The following GRM7 variants were observed in gnomAD, a reference collection of about 807,000 sequenced individuals.
The protein encoded by GRM7 is metabotropic glutamate receptor 7.
Under a neutral mutation model 84.5 loss-of-function variants are expected in GRM7, and 35 were observed. That is an observed-to-expected ratio of 0.41 (90% CI 0.32 to 0.55). The LOEUF (loss-of-function observed/expected upper bound fraction) is 0.55. Ranked by LOEUF, GRM7 falls within the 20% of genes least tolerant of loss-of-function variation. GRM7 has a pLI of 0.19. For synonymous variants in GRM7, 487 were observed against 455.1 expected (o/e 1.07, Z -0.89); for missense variants, 1,003 against 1,194.6 (o/e 0.84, Z 2.36).
At chr3:7,370,818 C>G (rs1694101069) in intron 4 of GRM7, among the ~76,000 whole-genome samples, 1 of 152,130 alleles carries the variant, frequency 6.6e-6, no homozygotes, top group African/African-American at 2.4e-5. Context: ...AATCAGAATT[C>G]ATGTTTCCTC....
At chr3:7,621,833 C>A (rs1697373016) in intron 8 of GRM7, among the ~76,000 whole-genome samples, 1 of 152,056 alleles carries the variant, frequency 6.6e-6, no homozygotes, top group African/African-American at 2.4e-5. Context: ...ATAACTGTGG[C>A]AGCCAGCTAT....
chr3:7,318,404 ATTAG>A (rs1343247079), intron 4 of GRM7, among the ~76,000 whole-genome samples: 3 of 152,084 alleles, frequency 2.0e-5, no homozygotes, highest in Non-Finnish European at 4.4e-5. Flanking sequence ...AGAAAGTATT[ATTAG>A]TTTGGATTGA....
At chr3:7,279,326 C>T (rs138288374) in intron 2 of GRM7, among the ~76,000 whole-genome samples, 364 of 152,114 alleles carry the variant, frequency 2.4e-3, no homozygotes, top group African/African-American at 8.3e-3. Flanking sequence ...CATCTCCTCT[C>T]GCTTCATCCA....
intron 7 of GRM7, among the ~76,000 whole-genome samples, chr3:7,557,169 G>T (rs940478879): frequency 6.6e-6 from 1 of 152,042 alleles, no homozygotes; most frequent in African/African-American, 2.4e-5. Context: ...CAAGACTCTG[G>T]GCCTGCCTTA....
At chr3:7,325,720 T>C (rs915070162) in intron 4 of GRM7, among the ~76,000 whole-genome samples, 1 of 152,214 alleles carries the variant, frequency 6.6e-6, no homozygotes, top group African/African-American at 2.4e-5. Context: ...CAGAACAGCA[T>C]GTCTATATGC....
At chr3:7,481,914 G>A (rs1020767354) in intron 7 of GRM7, among the ~76,000 whole-genome samples, 1 of 152,314 alleles carries the variant, frequency 6.6e-6, no homozygotes, top group Middle Eastern at 3.4e-3. Context: ...TCAGCCGGGT[G>A]CAGTGACTCA....
chr3:7,513,743 CATA>C (rs1243096194), intron 7 of GRM7, among the ~76,000 whole-genome samples: 3 of 152,060 alleles, frequency 2.0e-5, no homozygotes, highest in African/African-American at 7.2e-5. Context: ...CTGATATGCC[CATA>C]ATAATAAAAA....
chr3:7,212,443 C>T (rs1303114550), intron 2 of GRM7, among the ~76,000 whole-genome samples: 1 of 151,986 alleles, frequency 6.6e-6, no homozygotes, highest in Non-Finnish European at 1.5e-5. Context: ...AACAAAATAG[C>T]AAGAGTCCAG....
At chr3:6,931,010 T>G (rs1697480417) in intron 1 of GRM7, among the ~76,000 whole-genome samples, 1 of 152,224 alleles carries the variant, frequency 6.6e-6, no homozygotes, top group Non-Finnish European at 1.5e-5. Context: ...TCCACACTCA[T>G]AATCGCTTCT....
chr3:7,502,716 G>A (rs1173197776), intron 7 of GRM7, among the ~76,000 whole-genome samples: 1 of 152,114 alleles, frequency 6.6e-6, no homozygotes, highest in Non-Finnish European at 1.5e-5. Context: ...TTGTAATTTG[G>A]CAATTAACCA....
intron 4 of GRM7, among the ~76,000 whole-genome samples, chr3:7,325,689 C>T (rs1700955841): frequency 6.6e-6 from 1 of 152,162 alleles, no homozygotes; most frequent in Non-Finnish European, 1.5e-5. Context: ...CATAACCATT[C>T]TGGTCAAAGG....
intron 1 of GRM7, among the ~76,000 whole-genome samples, chr3:7,138,293 C>T (rs1287748987): frequency 6.6e-6 from 1 of 151,822 alleles, no homozygotes; most frequent in Non-Finnish European, 1.5e-5. Context: ...ACAATATGCC[C>T]AATCAACAAG....
At chr3:7,187,161 G>A (rs74642963) in intron 2 of GRM7, among the ~76,000 whole-genome samples, 12,498 of 151,870 alleles carry the variant, frequency 0.082, 755 homozygotes, top group Non-Finnish European at 0.12. Context: ...TCAATTAAAT[G>A]CTTTTCTGAA....
chr3:7,031,541 C>G (rs987035550), intron 1 of GRM7, among the ~76,000 whole-genome samples: 1 of 151,882 alleles, frequency 6.6e-6, no homozygotes. Flanking sequence ...CCCAGCCTCC[C>G]GAGTAGCTGG....
rs542070367 is a variant in GRM7, at chr3:7,301,162, T to C, written c.878+2337T>C. Among the ~76,000 whole-genome samples the C allele has an allele frequency of 4.6e-5, 5 of 109,258 alleles. No individual in the cohort carries two copies. The South Asian group carries it at 1.6e-3, about 34-fold the overall frequency. 71.7% of individuals were successfully genotyped at this position (109,258 alleles called of 152,430 possible). On this transcript the variant is annotated intron_variant, in intron 3 of 9. Coordinates refer to ENST00000357716, the MANE Select transcript of GRM7 (RefSeq NM_000844.4). ...TCTCCATCATGGTCTTTGCTCACGA[T>C]GTTTTTTTCTCTCGTTATCTATCTG...
At chr3:7,525,933 G>A (rs1559380199) in intron 7 of GRM7, among the ~76,000 whole-genome samples, 2 of 151,904 alleles carry the variant, frequency 1.3e-5, no homozygotes, top group Admixed American at 1.3e-4. Flanking sequence ...TATATGTTAC[G>A]TACCGCAGTT....
At chr3:7,114,997 T>C (rs1268741496) in intron 1 of GRM7, among the ~76,000 whole-genome samples, 2 of 152,114 alleles carry the variant, frequency 1.3e-5, no homozygotes, top group Non-Finnish European at 2.9e-5. Flanking sequence ...AAGGCACTAT[T>C]TGACAAAAAC....
chr3:6,946,697 G>C (rs1028210795), intron 1 of GRM7, among the ~76,000 whole-genome samples: 2 of 152,156 alleles, frequency 1.3e-5, no homozygotes, highest in Non-Finnish European at 2.9e-5. Context: ...CATGAGCATG[G>C]AATGTTCTTC....
intron 2 of GRM7, among the ~76,000 whole-genome samples, chr3:7,222,951 G>A (rs990092036): frequency 1.7e-4 from 26 of 152,028 alleles, no homozygotes; most frequent in African/African-American, 6.3e-4. Context: ...CAGCATATCT[G>A]GATAGTGAGT....
Sources: gnomAD v4.1 joint callset for allele counts (sites outside exome capture counted in the v4.1 genomes callset) on GRCh38, gnomAD v4.1.1 for gene constraint, MANE v1.5 for transcripts, NCBI Gene and HGNC (gene_info 2026-07-23, HGNC 2026-07-21) for gene names.